The following XRCC5 variants were observed in gnomAD, a reference collection of about 807,000 sequenced individuals.
The protein encoded by XRCC5 is X-ray repair cross complementing 5, also known as DNA repair protein Ku80.
In XRCC5, 12 loss-of-function variants were observed where a neutral mutation model predicts 95.7. That is an observed-to-expected ratio of 0.13 (90% CI 0.08 to 0.20). The LOEUF is 0.20. Ranked by LOEUF, XRCC5 falls within the 10% of genes least tolerant of loss-of-function variation. XRCC5 has a pLI of 1.00. For synonymous variants in XRCC5, 281 were observed against 290.3 expected, an observed-to-expected ratio of 0.97 and a Z score of 0.33; for missense variants, 595 against 873.9, an observed-to-expected ratio of 0.68 and a Z score of 4.02.
At chr2:216,180,426 G>A (rs1266841477) in intron 16 of XRCC5, among the ~76,000 whole-genome samples, 1 of 152,208 alleles carries the variant, frequency 6.6e-6, no homozygotes, top group Non-Finnish European at 1.5e-5. Flanking sequence ...AGGAATTCAA[G>A]ACCAGCCTAG....
Position 216,142,352 on chromosome 2 carries a change from G to A in XRCC5, c.1476+1033G>A, listed in dbSNP as rs1697186186. 2.0e-5 allele frequency among the ~76,000 whole-genome samples: 3 copies of A among 152,072 alleles called. No homozygotes were observed. In the South Asian group the frequency reaches 6.2e-4, roughly 32 times the overall value. ...AGGGAGCATAGGGGTCAGATAAAAA[G>A]GTTATATTGTGAAATTATTAAAGAA... On this transcript the variant is annotated intron_variant, in intron 13 of 20. Transcript: ENST00000392132.
At position 216,125,977 on chromosome 2, in the gene XRCC5, C is replaced by G. The variant is rs1559239760; in HGVS notation, c.744C>G (p.Pro248=). Residue 248 remains proline (P), a synonymous_variant, in exon 7 of 21, where the codon CCC becomes CCG. Coordinates refer to ENST00000392132, the MANE Select transcript of XRCC5 (RefSeq NM_021141.4). ...TTGAGAGGCATTCCATTCACTGGCC[C>G]TGCCGACTGACCATTGGCTCCAATT... ...KKIERHSIHW[P]CRLTIGSNLS... 4 of 1,613,888 alleles carry G rather than the reference C, an allele frequency of 2.5e-6. No individual in the cohort carries two copies. The highest frequency in any genetic ancestry group is 3.4e-6 in the Non-Finnish European group (4 of 1,179,878).
chr2:216,205,069 G>A (rs1689917559), intron 20 of XRCC5, 119 bp from the exon 21 acceptor site: 2 of 1,176,264 alleles, frequency 1.7e-6, no homozygotes, highest in South Asian at 2.5e-5. Flanking sequence ...GTGAATAAAT[G>A]AGCAAGTACA....
chr2:216,122,288 T>C, intron 6 of XRCC5, 35 bp downstream of exon 6: 1 of 1,563,274 alleles, frequency 6.4e-7, no homozygotes, highest in South Asian at 1.1e-5. Context: ...AATTTTTAAT[T>C]GTACCCACGT....
At chr2:216,117,907 A>G in intron 4 of XRCC5, 113 bp downstream of exon 4, 1 of 1,104,812 alleles carries the variant, frequency 9.1e-7, no homozygotes, top group Non-Finnish European at 1.3e-6. Context: ...TGTTTGTGTG[A>G]CAAGAGAAAC....
intron 14 of XRCC5, among the ~76,000 whole-genome samples, chr2:216,153,359 G>A (rs1017487609): frequency 1.3e-5 from 2 of 152,096 alleles, no homozygotes; most frequent in Non-Finnish European, 2.9e-5. Context: ...GGCTGCTTTT[G>A]TGTGTTTTTG....
intron 14 of XRCC5, among the ~76,000 whole-genome samples, chr2:216,153,327 C>T (rs887310986): frequency 8.5e-5 from 13 of 152,188 alleles, no homozygotes; most frequent in Admixed American, 8.5e-4. Flanking sequence ...TCTTTGGCAG[C>T]TCCCTCTCAG....
At chr2:216,128,870 GT>G in intron 8 of XRCC5, among the ~76,000 whole-genome samples, 1 of 152,176 alleles carries the variant, frequency 6.6e-6, no homozygotes, top group African/African-American at 2.4e-5. Context: ...AAAGACACTC[GT>G]TCACATATTC....
chr2:216,158,982 A>T (rs1420397907), intron 14 of XRCC5, among the ~76,000 whole-genome samples: 1 of 152,354 alleles, frequency 6.6e-6, no homozygotes, highest in African/African-American at 2.4e-5. Flanking sequence ...TAGAAATTCT[A>T]GTCCTGAAAA....
At chr2:216,148,367 A>G (rs1559247590) in intron 14 of XRCC5, 91 bp downstream of exon 14, 3 of 1,229,646 alleles carry the variant, frequency 2.4e-6, no homozygotes, top group Non-Finnish European at 3.4e-6. Context: ...ATAGGGGTCT[A>G]TGGAATTTAA....
At position 216,157,475 on chromosome 2, in the gene XRCC5, C is replaced by T. The variant is rs1235205605; in HGVS notation, c.1671-2593C>T. ...ATCTCGATCTCCTGACCTCGTGATCCGCCTGCCTCAGCCTCCCGAAGTGCT... is the reference window on the plus strand; with the variant it reads ...ATCTCGATCTCCTGACCTCGTGATCTGCCTGCCTCAGCCTCCCGAAGTGCT... On this transcript the variant is annotated intron_variant, in intron 14 of 20. Transcript: ENST00000392132. Among the ~76,000 whole-genome samples the T allele has an allele frequency of 3.3e-5, 5 of 152,158 alleles. No individual in the cohort carries two copies. In the South Asian group the frequency reaches 6.2e-4, roughly 19 times the overall value.
chr2:216,114,326 C>T (rs966456867), intron 2 of XRCC5, among the ~76,000 whole-genome samples: 1 of 152,064 alleles, frequency 6.6e-6, no homozygotes, highest in Non-Finnish European at 1.5e-5. Context: ...TTCCGTTGGG[C>T]ACTAGTACTT....
At chr2:216,166,005 G>T (rs928501383) in intron 16 of XRCC5, among the ~76,000 whole-genome samples, 2 of 152,158 alleles carry the variant, frequency 1.3e-5, no homozygotes, top group African/African-American at 4.8e-5. Context: ...GATAACCAAT[G>T]CCCTGAACCC....
At chr2:216,139,315 TAC>T (rs35468034) in intron 12 of XRCC5, among the ~76,000 whole-genome samples, 54,808 of 151,162 alleles carry the variant, frequency 0.36, 10,806 homozygotes, top group South Asian at 0.47. Context: ...TAATTGGACT[TAC>T]AGTTCCACAT....
chr2:216,153,039 A>G (rs548944974), intron 14 of XRCC5, among the ~76,000 whole-genome samples: 107 of 152,212 alleles, frequency 7.0e-4, no homozygotes, highest in African/African-American at 2.3e-3. Context: ...CCTGTTACTA[A>G]TTACTAATCT....
intron 14 of XRCC5, among the ~76,000 whole-genome samples, chr2:216,155,300 T>A: frequency 1.4e-5 from 2 of 138,576 alleles, no homozygotes; most frequent in African/African-American, 5.4e-5. Context: ...TCTTGGCAAA[T>A]CAAAAAATAA....
chr2:216,184,836 C>G (rs1475696138), intron 16 of XRCC5, among the ~76,000 whole-genome samples: 1 of 152,212 alleles, frequency 6.6e-6, no homozygotes, highest in Non-Finnish European at 1.5e-5. Context: ...GAGGCCATCC[C>G]CTTGTGAGTT....
chr2:216,160,554 A>G (rs991238730), intron 15 of XRCC5, among the ~76,000 whole-genome samples: 2 of 152,156 alleles, frequency 1.3e-5, no homozygotes, highest in East Asian at 1.9e-4. Flanking sequence ...ATTTTCTAAC[A>G]TGCAACTTTA....
At chr2:216,169,244 T>C (rs779416868) in intron 16 of XRCC5, among the ~76,000 whole-genome samples, 13 of 152,266 alleles carry the variant, frequency 8.5e-5, no homozygotes, top group South Asian at 4.1e-4. Context: ...GCATGAGTAT[T>C]AAACATGCAT....
Sources: allele counts gnomAD v4.1 joint callset (sites outside exome capture counted in the v4.1 genomes callset), GRCh38; gene constraint gnomAD v4.1.1; transcripts MANE v1.5; gene names NCBI Gene and HGNC (gene_info 2026-07-23, HGNC 2026-07-21).